Variants in LRRTM4 observed in about 807,000 individuals in gnomAD.
LRRTM4 encodes leucine-rich repeat transmembrane neuronal protein 4.
A neutral mutation model predicts 47.6 loss-of-function variants in LRRTM4; 25 were observed. The observed-to-expected ratio is 0.53, with a 90% CI of 0.38 to 0.73. The LOEUF is 0.73. Ranked by LOEUF, LRRTM4 falls within the 30% of genes least tolerant of loss-of-function variation. LRRTM4 has a pLI of 0.00. For synonymous variants in LRRTM4, 311 were observed against 269.5 expected (o/e 1.15, Z -1.51); for missense variants, 638 against 713.4 (o/e 0.89, Z 1.20).
intron 3 of LRRTM4, among the ~76,000 whole-genome samples, chr2:76,964,329 T>C (rs543313017): frequency 6.6e-6 from 1 of 151,184 alleles, no homozygotes; most frequent in African/African-American, 2.4e-5. Context: ...GTAACTAGCC[T>C]CTGTTTCATT....
chr2:76,934,896 T>C (rs1037207103), intron 3 of LRRTM4, among the ~76,000 whole-genome samples: 4 of 152,132 alleles, frequency 2.6e-5, no homozygotes, highest in African/African-American at 4.8e-5. Flanking sequence ...TCTGTAAATC[T>C]AGTTTATGAT....
Position 77,288,251 on chromosome 2 carries a change from T to C in LRRTM4, c.1551+230067A>G, listed in dbSNP as rs189461217. Among the ~76,000 whole-genome samples the C allele has an allele frequency of 3.9e-3, 597 of 151,302 alleles. 2 individuals carry two copies. Among genetic ancestry groups the C allele is most frequent in the African/African-American group, 0.013 (551 of 41,348 alleles). Reference sequence around the variant, plus strand: ...AAATAATATATTTATAAGATAAACATAGAAGAGATAGGAAAGAAAGTTAAA... The same window carrying C: ...AAATAATATATTTATAAGATAAACACAGAAGAGATAGGAAAGAAAGTTAAA... On this transcript the variant is annotated intron_variant, in intron 3 of 3. Coordinates refer to ENST00000409884, the MANE Select transcript of LRRTM4 (RefSeq NM_001134745.3).
intron 3 of LRRTM4, among the ~76,000 whole-genome samples, chr2:76,978,786 T>C (rs1483984708): frequency 1.3e-5 from 2 of 151,986 alleles, no homozygotes. Context: ...AAATGGGAAA[T>C]CTGGGGATGT....
intron 3 of LRRTM4, among the ~76,000 whole-genome samples, chr2:76,962,128 A>G (rs1184842158): frequency 6.6e-6 from 1 of 151,290 alleles, no homozygotes; most frequent in East Asian, 2.0e-4. Context: ...GGAGTAGTAA[A>G]CTATATGTTT....
rs185746966 is a variant in LRRTM4 at position 76,893,396 on chromosome 2, A to T, written c.1552-144480T>A. ...ATTTCTAATAACCTAATAATCTCTG[A>T]TAACTTCTGATAACATTAATTTTAA... is the stretch of plus-strand genomic sequence containing the variant. On this transcript the variant is annotated intron_variant, in intron 3 of 3. Transcript: ENST00000409884. 2.0e-4 allele frequency among the ~76,000 whole-genome samples: 31 copies of T among 151,828 alleles called. 1 individual carries two copies. The highest frequency in any genetic ancestry group is 7.4e-5 in the Non-Finnish European group (5 of 67,808).
chr2:76,799,569 C>A (rs1675543983), intron 3 of LRRTM4, among the ~76,000 whole-genome samples: 1 of 142,264 alleles, frequency 7.0e-6, no homozygotes, highest in Non-Finnish European at 1.5e-5. Flanking sequence ...TCTCACCACT[C>A]CTATTCAACA....
At chr2:76,802,555 A>C (rs1470635197) in intron 3 of LRRTM4, among the ~76,000 whole-genome samples, 1 of 152,122 alleles carries the variant, frequency 6.6e-6, no homozygotes, top group African/African-American at 2.4e-5. Flanking sequence ...CAAATGATTC[A>C]ATGTAATCCC....
intron 3 of LRRTM4, among the ~76,000 whole-genome samples, chr2:76,838,874 C>T (rs115910266): frequency 7.2e-5 from 11 of 152,078 alleles, no homozygotes; most frequent in Middle Eastern, 3.4e-3. Flanking sequence ...TTTCATAATT[C>T]GTTATTTAAG....
At chr2:76,887,603 CACAT>C (rs1673118814) in intron 3 of LRRTM4, among the ~76,000 whole-genome samples, 1 of 147,438 alleles carries the variant, frequency 6.8e-6, no homozygotes, top group African/African-American at 2.5e-5. Flanking sequence ...AATATATACA[CACAT>C]ATATGATATA....
chr2:77,126,539 C>T (rs1671657201), intron 3 of LRRTM4, among the ~76,000 whole-genome samples: 1 of 152,086 alleles, frequency 6.6e-6, no homozygotes, highest in Non-Finnish European at 1.5e-5. Flanking sequence ...ATGGTGATTC[C>T]ATTACAACAG....
intron 3 of LRRTM4, among the ~76,000 whole-genome samples, chr2:77,267,108 T>C (rs2104058347): frequency 1.3e-5 from 2 of 152,262 alleles, no homozygotes; most frequent in Middle Eastern, 6.8e-3. Flanking sequence ...AATAAGCTTT[T>C]TAGTGCCTCA....
chr2:77,270,929 C>G (rs1276385853), intron 3 of LRRTM4, among the ~76,000 whole-genome samples: 2 of 152,110 alleles, frequency 1.3e-5, no homozygotes, highest in African/African-American at 4.8e-5. Flanking sequence ...TTTGCATATT[C>G]AAAAACCAAT....
At chr2:77,091,061 G>T (rs1217152101) in intron 3 of LRRTM4, among the ~76,000 whole-genome samples, 5 of 151,982 alleles carry the variant, frequency 3.3e-5, no homozygotes, top group Non-Finnish European at 7.4e-5. Context: ...CCCCAACTCT[G>T]GTGCCAGCTG....
chr2:77,221,049 T>G (rs1237915389), intron 3 of LRRTM4, among the ~76,000 whole-genome samples: 1 of 152,150 alleles, frequency 6.6e-6, no homozygotes, highest in Non-Finnish European at 1.5e-5. Flanking sequence ...GGGGCCAATA[T>G]TCAACATTCT....
intron 3 of LRRTM4, among the ~76,000 whole-genome samples, chr2:77,398,711 C>T (rs990202588): frequency 7.9e-5 from 12 of 151,714 alleles, no homozygotes; most frequent in Non-Finnish European, 1.6e-4. Context: ...ATTAAGTATA[C>T]CCTGAGAATG....
chr2:76,896,378 A>G (rs1166586301), intron 3 of LRRTM4, among the ~76,000 whole-genome samples: 1 of 152,076 alleles, frequency 6.6e-6, no homozygotes, highest in Non-Finnish European at 1.5e-5. Flanking sequence ...GAGTGCAAAA[A>G]TGACAGTTTT....
At chr2:77,091,378 A>G (rs188005851) in intron 3 of LRRTM4, among the ~76,000 whole-genome samples, 21,190 of 116,034 alleles carry the variant, frequency 0.18, 3,350 homozygotes, top group African/African-American at 0.47. Context: ...CCCGAAGCAC[A>G]CTTTAAAAAG....
chr2:77,387,644 C>T (rs1232579614), intron 3 of LRRTM4, among the ~76,000 whole-genome samples: 1 of 152,100 alleles, frequency 6.6e-6, no homozygotes, highest in Non-Finnish European at 1.5e-5. Context: ...GTGTCTTCTG[C>T]CAGCTTGTAT....
At chr2:77,208,210 T>C (rs114048775) in intron 3 of LRRTM4, among the ~76,000 whole-genome samples, 1,645 of 152,010 alleles carry the variant, frequency 0.011, 33 homozygotes, top group African/African-American at 0.038. Flanking sequence ...GTATAGAATA[T>C]AGTGGGGAAG....
Sources: gnomAD v4.1 joint callset for allele counts (sites outside exome capture counted in the v4.1 genomes callset) on GRCh38, gnomAD v4.1.1 for gene constraint, MANE v1.5 for transcripts, NCBI Gene and HGNC (gene_info 2026-07-23, HGNC 2026-07-21) for gene names.